MYH15: variants seen among roughly 807,000 people sequenced by gnomAD.
MYH15 encodes the protein myosin heavy chain 15.
MYH15 carries 227 observed loss-of-function variants against 240.5 expected under a neutral mutation model. The observed-to-expected ratio is 0.94, with a 90% CI of 0.85 to 1.05. The LOEUF (loss-of-function observed/expected upper bound fraction) is 1.05, where lower values mean the gene tolerates loss of function less well. Among genes scored for constraint, MYH15 ranks in the 50% least tolerant of loss-of-function variants. MYH15 has a pLI of 0.00. For missense variants in MYH15, 2,217 were observed against 2,247.5 expected, an observed-to-expected ratio of 0.99 and a Z score of 0.27; for synonymous variants, 785 against 796.7, an observed-to-expected ratio of 0.99 and a Z score of 0.25.
chr3:108,392,779 C>T (rs558971105), intron 36 of MYH15, among the ~76,000 whole-genome samples: 1 of 152,322 alleles, frequency 6.6e-6, no homozygotes, highest in South Asian at 2.1e-4. Flanking sequence ...CAAGATTAAG[C>T]AGAGAGCATC....
intron 5 of MYH15, among the ~76,000 whole-genome samples, 179 bp from the exon 6 acceptor site, chr3:108,498,324 T>C (rs546400711): frequency 6.6e-6 from 1 of 152,300 alleles, no homozygotes; most frequent in Non-Finnish European, 1.5e-5. Flanking sequence ...GCAAGGACAT[T>C]TCAGGCTGGA....
At chr3:108,382,881 C>T (rs1251440018) in intron 40 of MYH15, among the ~76,000 whole-genome samples, 1 of 152,166 alleles carries the variant, frequency 6.6e-6, no homozygotes, top group African/African-American at 2.4e-5. Flanking sequence ...TGATTCCTTT[C>T]GCCTAAAGCC....
At chr3:108,456,244 C>T (rs370091106) in intron 19 of MYH15, among the ~76,000 whole-genome samples, 1 of 152,130 alleles carries the variant, frequency 6.6e-6, no homozygotes, top group Non-Finnish European at 1.5e-5. Flanking sequence ...TGGTGGAAAA[C>T]AAGAAATATG....
intron 28 of MYH15, among the ~76,000 whole-genome samples, chr3:108,420,256 T>C (rs1327132604): frequency 6.6e-6 from 1 of 152,222 alleles, no homozygotes; most frequent in Non-Finnish European, 1.5e-5. Context: ...ATGATTGACA[T>C]ACATCAATGA....
chr3:108,550,357 C>CA, the MYH15 span: 2 of 151,176 alleles, frequency 1.3e-5, no homozygotes, highest in African/African-American at 4.8e-5. Flanking sequence ...GAGTAGAATC[C>CA]AAATTATCCT....
At chr3:108,402,118 G>A (rs1195661324) in intron 33 of MYH15, among the ~76,000 whole-genome samples, 2 of 138,914 alleles carry the variant, frequency 1.4e-5, no homozygotes, top group Non-Finnish European at 1.6e-5. Context: ...AGAAATAAGA[G>A]ATTTTTTTTT....
chr3:108,430,520 A>C (rs2082769892), intron 26 of MYH15, among the ~76,000 whole-genome samples: 1 of 152,244 alleles, frequency 6.6e-6, no homozygotes, highest in Non-Finnish European at 1.5e-5. Flanking sequence ...TGTTGCATTT[A>C]GTAATATGAG....
chr3:108,400,878 A>G (rs1386923029), intron 33 of MYH15, among the ~76,000 whole-genome samples: 2 of 152,264 alleles, frequency 1.3e-5, no homozygotes, highest in East Asian at 3.9e-4. Context: ...AAATTGGTTG[A>G]CAGGTGGAGG....
At chr3:108,387,949 CA>C (rs1382128799) in intron 38 of MYH15, among the ~76,000 whole-genome samples, 1 of 152,250 alleles carries the variant, frequency 6.6e-6, no homozygotes, top group Non-Finnish European at 1.5e-5. Flanking sequence ...ACATCTTTAA[CA>C]ACTCAGCCTC....
At chr3:108,410,381 G>A (rs1460520369) in intron 31 of MYH15, among the ~76,000 whole-genome samples, 2 of 152,152 alleles carry the variant, frequency 1.3e-5, no homozygotes, top group African/African-American at 4.8e-5. Flanking sequence ...GAAGTTAAAG[G>A]TAGGAAACTA....
chr3:108,515,718 T>C (rs1230374221), intron 1 of MYH15, among the ~76,000 whole-genome samples: 1 of 152,224 alleles, frequency 6.6e-6, no homozygotes, highest in Non-Finnish European at 1.5e-5. Flanking sequence ...CTGTTCTTTT[T>C]ACTATTCAAC....
At chr3:108,544,251 C>T in the MYH15 span, among the ~76,000 whole-genome samples, 1 of 152,104 alleles carries the variant, frequency 6.6e-6, no homozygotes, top group Non-Finnish European at 1.5e-5. Context: ...CCTCTGGCCC[C>T]CCACTTTCCT....
the MYH15 span, among the ~76,000 whole-genome samples, chr3:108,540,438 A>G: frequency 6.6e-6 from 1 of 152,220 alleles, no homozygotes; most frequent in African/African-American, 2.4e-5. Context: ...TATGAGCCAG[A>G]AATAAACCAT....
intron 39 of MYH15, 143 bp from the exon 40 acceptor site, chr3:108,383,872 T>G: frequency 3.0e-6 from 2 of 661,372 alleles, no homozygotes; most frequent in Non-Finnish European, 4.7e-6. Context: ...TATTTTGGTA[T>G]GATATATTAG....
At chr3:108,482,023 G>A (rs2083271625) in intron 11 of MYH15, among the ~76,000 whole-genome samples, 1 of 152,100 alleles carries the variant, frequency 6.6e-6, no homozygotes. Flanking sequence ...CAAGCAGGGA[G>A]ACCAGGAAGG....
chr3:108,439,101 C>T (rs908816163), intron 24 of MYH15, among the ~76,000 whole-genome samples: 4 of 151,184 alleles, frequency 2.6e-5, no homozygotes, highest in Non-Finnish European at 5.9e-5. Flanking sequence ...ATAAAGGCTA[C>T]ACTTTGGGGA....
chr3:108,391,882 G>A lies in MYH15; in HGVS notation c.5308C>T (p.His1770Tyr), dbSNP rs778372674. ...ELKKKQDTIAHLERTRENMEQ... is the reference protein window; with the variant it reads ...ELKKKQDTIAYLERTRENMEQ... ...ATATTTTCTCTTGTCCTTTCCAAGT[G>A]GGCAATGGTGTCTTGCTTCTTCTTC... Residue 1770 changes from histidine (H) to tyrosine (Y), a missense_variant, in exon 37 of 41, where the codon CAC (histidine) becomes TAC (tyrosine). Physicochemically the swap from His to Tyr is moderately conservative, Grantham distance 83 (BLOSUM62 2). Coordinates refer to ENST00000693548, the MANE Select transcript of MYH15 (RefSeq NM_014981.3). The A allele has an allele frequency of 1.4e-5, 23 of 1,614,074 alleles. No homozygotes were observed. The highest frequency in any genetic ancestry group is 1.9e-5 in the Non-Finnish European group (22 of 1,179,978).
intron 21 of MYH15, among the ~76,000 whole-genome samples, chr3:108,451,113 C>T (rs529366423): frequency 6.6e-6 from 1 of 152,202 alleles, no homozygotes; most frequent in African/African-American, 2.4e-5. Context: ...GGTACAGTGG[C>T]TCATGCCTGT....
At chr3:108,475,963 A>G (rs1272778608) in intron 12 of MYH15, among the ~76,000 whole-genome samples, 3 of 152,314 alleles carry the variant, frequency 2.0e-5, no homozygotes, top group African/African-American at 7.2e-5. Flanking sequence ...ATTGATTTTT[A>G]GCATATGTCC....
Sources: allele counts gnomAD v4.1 joint callset (sites outside exome capture counted in the v4.1 genomes callset), GRCh38; gene constraint gnomAD v4.1.1; transcripts MANE v1.5; gene names NCBI Gene and HGNC (gene_info 2026-07-23, HGNC 2026-07-21).